Variants in SHC4 observed in about 807,000 individuals in gnomAD.
SHC4 encodes SHC adaptor protein 4, also known as SHC-transforming protein 4.
In SHC4, 41 loss-of-function variants were observed where a neutral mutation model predicts 69.4. The ratio of observed to expected loss-of-function variants is 0.59; its 90% CI spans 0.46 to 0.77. The LOEUF (loss-of-function observed/expected upper bound fraction) is 0.77, where lower values mean the gene tolerates loss of function less well. Ranked by LOEUF, SHC4 falls within the 30% of genes least tolerant of loss-of-function variation. SHC4 has a pLI of 0.00. For missense variants in SHC4, 777 were observed against 783.8 expected, an observed-to-expected ratio of 0.99 and a Z score of 0.10; for synonymous variants, 318 against 299.3, an observed-to-expected ratio of 1.06 and a Z score of -0.64.
At chr15:48,876,734 TA>T in intron 4 of SHC4, 1 of 488,314 alleles carries the variant, frequency 2.0e-6, no homozygotes, top group South Asian at 2.9e-5. Context: ...GCTTATATTC[TA>T]GCCAAGCTGG....
At chr15:48,909,697 T>C (rs1404807283) in intron 2 of SHC4, among the ~76,000 whole-genome samples, 1 of 152,222 alleles carries the variant, frequency 6.6e-6, no homozygotes, top group Non-Finnish European at 1.5e-5. Flanking sequence ...GGGTTTGTCA[T>C]AGATGGCTTT....
At chr15:48,940,273 C>G (rs1034514882) in intron 1 of SHC4, among the ~76,000 whole-genome samples, 3 of 152,190 alleles carry the variant, frequency 2.0e-5, no homozygotes, top group African/African-American at 7.2e-5. Flanking sequence ...TTTATGGTCT[C>G]TCCTGCCAAC....
At chr15:48,873,604 C>T (rs368995590) in intron 4 of SHC4, among the ~76,000 whole-genome samples, 5 of 152,134 alleles carry the variant, frequency 3.3e-5, no homozygotes, top group Middle Eastern at 3.4e-3. Context: ...ATTAGCTGGG[C>T]GTGGTGGGCA....
intron 1 of SHC4, among the ~76,000 whole-genome samples, chr15:48,961,217 G>T (rs910299596): frequency 5.3e-4 from 80 of 152,178 alleles, no homozygotes; most frequent in African/African-American, 1.9e-3. Context: ...TCAACCAACT[G>T]GTCTTTTAAA....
At chr15:48,866,188 G>A (rs919020330) in intron 6 of SHC4, among the ~76,000 whole-genome samples, 3 of 152,170 alleles carry the variant, frequency 2.0e-5, no homozygotes, top group Non-Finnish European at 4.4e-5. Flanking sequence ...GGACGTTCAG[G>A]CAGGGATGAG....
chr15:48,937,392 A>G (rs1901090867), intron 1 of SHC4, among the ~76,000 whole-genome samples: 1 of 152,104 alleles, frequency 6.6e-6, no homozygotes, highest in African/African-American at 2.4e-5. Context: ...GGAAAAACTG[A>G]TTCTCAGAGG....
At chr15:48,952,834 C>G (rs1901387362) in intron 1 of SHC4, among the ~76,000 whole-genome samples, 1 of 152,184 alleles carries the variant, frequency 6.6e-6, no homozygotes, top group Non-Finnish European at 1.5e-5. Context: ...GCAAATAGTT[C>G]AACCATTGTG....
At chr15:48,836,821 A>G (rs1898908540) in intron 10 of SHC4, among the ~76,000 whole-genome samples, 1 of 152,254 alleles carries the variant, frequency 6.6e-6, no homozygotes, top group Non-Finnish European at 1.5e-5. Flanking sequence ...GCACACAGTT[A>G]TAATGAGTAT....
intron 2 of SHC4, among the ~76,000 whole-genome samples, chr15:48,907,812 A>C (rs1204003867): frequency 2.1e-5 from 3 of 142,494 alleles, no homozygotes; most frequent in African/African-American, 8.2e-5. Flanking sequence ...GAATGAATGA[A>C]TATGTGTGTG....
chr15:48,884,403 A>G (rs1255594738), intron 3 of SHC4, 36 bp from the exon 4 acceptor site: 19 of 1,543,108 alleles, frequency 1.2e-5, no homozygotes, highest in Non-Finnish European at 1.6e-5. Flanking sequence ...AAACACTGTT[A>G]GGAATTTTGT....
intron 4 of SHC4, 136 bp downstream of exon 4, chr15:48,884,112 A>C (rs1567061061): frequency 4.2e-6 from 4 of 963,316 alleles, no homozygotes; most frequent in Non-Finnish European, 5.5e-6. Context: ...GTTATGCATA[A>C]ATCTTCAGCA....
chr15:48,890,697 T>A (rs781162477), intron 3 of SHC4, 51 bp downstream of exon 3: 3 of 1,603,640 alleles, frequency 1.9e-6, no homozygotes, highest in African/African-American at 2.7e-5. Flanking sequence ...TTTCATACTA[T>A]CTTTGCCATA....
intron 4 of SHC4, among the ~76,000 whole-genome samples, chr15:48,873,225 T>G (rs959911393): frequency 5.9e-5 from 9 of 152,270 alleles, no homozygotes; most frequent in Middle Eastern, 3.4e-3. Context: ...AGTTCAAAAC[T>G]AGGCAAAATT....
At chr15:48,862,473 G>C (rs1899465227) in intron 6 of SHC4, among the ~76,000 whole-genome samples, 1 of 152,152 alleles carries the variant, frequency 6.6e-6, no homozygotes, top group African/African-American at 2.4e-5. Context: ...GTTCACTAAA[G>C]GGTCCTAGCC....
At chr15:48,838,762 T>C (rs1898941288) in intron 10 of SHC4, among the ~76,000 whole-genome samples, 1 of 152,150 alleles carries the variant, frequency 6.6e-6, no homozygotes, top group South Asian at 2.1e-4. Flanking sequence ...AAGAGCTTGA[T>C]ATAATAGAAA....
chr15:48,834,137 A>G (rs1898857949), intron 11 of SHC4, among the ~76,000 whole-genome samples: 1 of 152,146 alleles, frequency 6.6e-6, no homozygotes, highest in Non-Finnish European at 1.5e-5. Context: ...ACCTTTCCCA[A>G]GATAATTTTC....
intron 7 of SHC4, among the ~76,000 whole-genome samples, chr15:48,856,535 G>T (rs189885311): frequency 6.6e-6 from 1 of 151,794 alleles, no homozygotes. Flanking sequence ...ATTGTTCTTC[G>T]GGTATAGGGC....
intron 2 of SHC4, among the ~76,000 whole-genome samples, chr15:48,918,209 A>T (rs1333262341): frequency 6.6e-6 from 1 of 151,948 alleles, no homozygotes. Context: ...CCCGTCCACC[A>T]CCCTCCCACC....
intron 6 of SHC4, among the ~76,000 whole-genome samples, chr15:48,864,026 G>A (rs1399363384): frequency 1.3e-5 from 2 of 152,164 alleles, no homozygotes; most frequent in East Asian, 1.9e-4. Flanking sequence ...TAGTAAGCAT[G>A]CAATAAATGG....
Sources: allele counts gnomAD v4.1 joint callset (sites outside exome capture counted in the v4.1 genomes callset), GRCh38; gene constraint gnomAD v4.1.1; transcripts MANE v1.5; gene names NCBI Gene and HGNC (gene_info 2026-07-23, HGNC 2026-07-21).